Variants in CFAP299 observed in about 807,000 individuals in gnomAD.
The protein encoded by CFAP299 is cilia and flagella associated protein 299, also known as cilia- and flagella-associated protein 299.
Under a neutral mutation model 27.0 loss-of-function variants are expected in CFAP299, and 21 were observed. The ratio of observed to expected loss-of-function variants is 0.78; its 90% CI spans 0.55 to 1.12. The LOEUF (loss-of-function observed/expected upper bound fraction) is 1.12. Among genes scored for constraint, CFAP299 ranks in the 50% most tolerant of loss-of-function variants. The pLI, the probability that CFAP299 is intolerant of heterozygous loss-of-function variation, is 0.00. For missense variants in CFAP299, 310 were observed against 276.6 expected (o/e 1.12, Z -0.86); for synonymous variants, 104 against 98.1 (o/e 1.06, Z -0.36).
chr4:80,917,074 T>C (rs1341949446), intron 4 of CFAP299, among the ~76,000 whole-genome samples: 1 of 152,070 alleles, frequency 6.6e-6, no homozygotes, highest in Non-Finnish European at 1.5e-5. Context: ...AGAATAATGT[T>C]AGGAAAAGGA....
intron 4 of CFAP299, among the ~76,000 whole-genome samples, chr4:80,891,778 TAAAAAAAAAATA>T (rs1485287110): frequency 1.2e-4 from 3 of 25,596 alleles, no homozygotes; most frequent in African/African-American, 6.7e-4. Context: ...AAAAAAAAAT[TAAAAAAAAAATA>T]AAAAAAAAAA....
chr4:80,674,938 G>C (rs560924050), intron 3 of CFAP299, among the ~76,000 whole-genome samples: 1 of 151,998 alleles, frequency 6.6e-6, no homozygotes, highest in African/African-American at 2.4e-5. Flanking sequence ...TTTTTTCAAG[G>C]TTTTTAGCTT....
At chr4:80,427,138 T>C (rs1331542631) in intron 2 of CFAP299, among the ~76,000 whole-genome samples, 9 of 152,218 alleles carry the variant, frequency 5.9e-5, no homozygotes, top group Admixed American at 5.9e-4. Flanking sequence ...TAGTAATCTC[T>C]CATTTTTCTG....
At chr4:80,962,740 TAGAAG>T (rs1218539094) in intron 5 of CFAP299, among the ~76,000 whole-genome samples, 2 of 151,906 alleles carry the variant, frequency 1.3e-5, no homozygotes, top group Non-Finnish European at 2.9e-5. Context: ...TATCTCTTCT[TAGAAG>T]AGAGAGCAAA....
chr4:80,829,887 A>G (rs1315673367), intron 3 of CFAP299, among the ~76,000 whole-genome samples: 2 of 152,100 alleles, frequency 1.3e-5, no homozygotes, highest in Non-Finnish European at 2.9e-5. Flanking sequence ...TAAAACTCAG[A>G]CAGAAAGTAG....
At chr4:80,818,358 C>CT (rs1267403166) in intron 3 of CFAP299, among the ~76,000 whole-genome samples, 1 of 152,086 alleles carries the variant, frequency 6.6e-6, no homozygotes, top group Non-Finnish European at 1.5e-5. Flanking sequence ...AGTTTGCCAT[C>CT]TTTTTTCCAA....
intron 1 of CFAP299, among the ~76,000 whole-genome samples, chr4:80,341,390 C>G (rs1409828203): frequency 6.6e-6 from 1 of 152,194 alleles, no homozygotes. Context: ...TGACTGAGGT[C>G]TCTCAACAGG....
rs996497437 is a variant in CFAP299, at chr4:80,347,983, T to C, written c.111+12104T>C. On this transcript the variant is annotated intron_variant, in intron 1 of 5. Coordinates refer to ENST00000358105, the MANE Select transcript of CFAP299 (RefSeq NM_152770.3). ...GAGCAATAGATCAGAATAGAGAAGA[T>C]AGAATAAGACCACCCACCTACAACC... 1.1e-4 allele frequency among the ~76,000 whole-genome samples: 17 copies of C among 148,746 alleles called. No individual in the cohort carries two copies. The East Asian group carries it at 3.3e-3, about 29-fold the overall frequency.
At chr4:80,350,577 T>TA (rs1722966080) in intron 1 of CFAP299, among the ~76,000 whole-genome samples, 2 of 152,142 alleles carry the variant, frequency 1.3e-5, no homozygotes, top group Non-Finnish European at 2.9e-5. Context: ...ACGTAGCACA[T>TA]ATACACCATG....
intron 2 of CFAP299, among the ~76,000 whole-genome samples, chr4:80,513,198 A>T (rs1732403452): frequency 6.6e-6 from 1 of 152,172 alleles, no homozygotes; most frequent in South Asian, 2.1e-4. Context: ...TTGATAAAGC[A>T]TATGCATATC....
intron 3 of CFAP299, among the ~76,000 whole-genome samples, chr4:80,794,967 A>G (rs1007527212): frequency 1.3e-5 from 2 of 152,154 alleles, no homozygotes; most frequent in Admixed American, 1.3e-4. Flanking sequence ...GTGGAAGCCC[A>G]TGTTGCTGAG....
rs1013518279 is a variant in CFAP299 at position 80,862,318 on chromosome 4, C to T, written c.334-7675C>T. ...CTGGGAAGCAGAGGTTGCAGTAAGC[C>T]AAAATCGTGCCACTGCACTCCAGTC... On this transcript the variant is annotated intron_variant, in intron 3 of 5. Transcript: ENST00000358105. Among the ~76,000 whole-genome samples, 7 of 151,940 alleles carry T rather than the reference C, an allele frequency of 4.6e-5. No homozygotes were observed. The South Asian group carries it at 6.2e-4, about 14-fold the overall frequency.
rs1022661969 is a variant in CFAP299, at chr4:80,486,698, T to C, written c.243-96395T>C. On this transcript the variant is annotated intron_variant, in intron 2 of 5. Coordinates refer to ENST00000358105, the MANE Select transcript of CFAP299 (RefSeq NM_152770.3). ...TCTGTCAGTACACCCTACCTGAAGG[T>C]TGACTACATCTTGGCTGCCCCGAGG... 2.6e-5 allele frequency among the ~76,000 whole-genome samples: 4 copies of C among 152,346 alleles called. No individual in the cohort carries two copies. In the South Asian group the frequency reaches 8.3e-4, roughly 32 times the overall value.
intron 2 of CFAP299, among the ~76,000 whole-genome samples, chr4:80,554,836 T>G (rs1247695058): frequency 6.6e-6 from 1 of 152,174 alleles, no homozygotes; most frequent in Non-Finnish European, 1.5e-5. Context: ...TAGTGATTTT[T>G]GTACATTGAT....
chr4:80,684,281 G>T (rs1426837988), intron 3 of CFAP299, among the ~76,000 whole-genome samples: 5 of 151,362 alleles, frequency 3.3e-5, no homozygotes, highest in African/African-American at 7.3e-5. Flanking sequence ...TTTTGGGGGG[G>T]GGGGACGGAG....
chr4:80,907,765 G>A (rs1255248270), intron 4 of CFAP299, among the ~76,000 whole-genome samples: 1 of 152,098 alleles, frequency 6.6e-6, no homozygotes, highest in Non-Finnish European at 1.5e-5. Context: ...GGGGATTATG[G>A]GAACTACAAT....
chr4:80,372,125 A>G (rs950174877), intron 2 of CFAP299, among the ~76,000 whole-genome samples: 1 of 152,176 alleles, frequency 6.6e-6, no homozygotes, highest in African/African-American at 2.4e-5. Context: ...ACCTCAGGAA[A>G]CTTACAATCT....
intron 4 of CFAP299, among the ~76,000 whole-genome samples, chr4:80,892,598 T>C (rs866392690): frequency 6.6e-6 from 1 of 152,150 alleles, no homozygotes; most frequent in African/African-American, 2.4e-5. Context: ...GTAAATGTGA[T>C]GCACCATTTT....
At chr4:80,820,699 G>A (rs1729655742) in intron 3 of CFAP299, among the ~76,000 whole-genome samples, 1 of 152,110 alleles carries the variant, frequency 6.6e-6, no homozygotes, top group Admixed American at 6.6e-5. Context: ...TGGTGGGTGG[G>A]CAGACAGGGG....
Sources: allele counts gnomAD v4.1 joint callset (sites outside exome capture counted in the v4.1 genomes callset), GRCh38; gene constraint gnomAD v4.1.1; transcripts MANE v1.5; gene names NCBI Gene and HGNC (gene_info 2026-07-23, HGNC 2026-07-21).